GPC6: variants seen among roughly 807,000 people sequenced by gnomAD.
GPC6 encodes the protein glypican-6.
Under a neutral mutation model 55.2 loss-of-function variants are expected in GPC6, and 14 were observed. The ratio of observed to expected loss-of-function variants is 0.25; its 90% CI spans 0.17 to 0.40. GPC6 has a LOEUF of 0.40. Among genes scored for constraint, GPC6 ranks in the 10% least tolerant of loss-of-function variants. GPC6 has a pLI of 1.00. For synonymous variants in GPC6, 278 were observed against 259.6 expected (o/e 1.07, Z -0.68); for missense variants, 641 against 708.5 (o/e 0.90, Z 1.08).
intron 1 of GPC6, among the ~76,000 whole-genome samples, chr13:93,306,576 AAT>A: frequency 1.3e-5 from 2 of 152,230 alleles, no homozygotes; most frequent in Non-Finnish European, 2.9e-5. Flanking sequence ...CAGAGGAAAA[AAT>A]GTTGCTAAAT....
intron 1 of GPC6, among the ~76,000 whole-genome samples, chr13:93,383,388 A>C (rs1385898489): frequency 6.6e-6 from 1 of 152,098 alleles, no homozygotes; most frequent in Non-Finnish European, 1.5e-5. Flanking sequence ...ATTTTTTAAA[A>C]GAGTTTTTTG....
At chr13:94,152,074 G>T (rs761618650) in intron 4 of GPC6, among the ~76,000 whole-genome samples, 1 of 152,088 alleles carries the variant, frequency 6.6e-6, no homozygotes, top group African/African-American at 2.4e-5. Context: ...GTGACCCAAG[G>T]TTCTAAAGTC....
chr13:94,208,289 A>G (rs1452949161), intron 4 of GPC6, among the ~76,000 whole-genome samples: 2 of 152,164 alleles, frequency 1.3e-5, no homozygotes, highest in African/African-American at 4.8e-5. Context: ...CAGGTTCTTC[A>G]TGTCTGAAGT....
intron 6 of GPC6, among the ~76,000 whole-genome samples, chr13:94,331,228 T>C (rs190494964): frequency 6.6e-6 from 1 of 152,262 alleles, no homozygotes; most frequent in Non-Finnish European, 1.5e-5. Context: ...AAAGCTTTAT[T>C]GGAACACAGC....
At chr13:93,654,296 C>T (rs978014071) in intron 2 of GPC6, among the ~76,000 whole-genome samples, 5 of 152,018 alleles carry the variant, frequency 3.3e-5, no homozygotes, top group Non-Finnish European at 7.4e-5. Context: ...CTCTGTCGCC[C>T]AGGCTGGAGT....
intron 6 of GPC6, among the ~76,000 whole-genome samples, chr13:94,357,805 A>C (rs914743042): frequency 6.6e-6 from 1 of 151,914 alleles, no homozygotes; most frequent in African/African-American, 2.4e-5. Flanking sequence ...ATTCTTCTCA[A>C]CTCAGTTCTT....
chr13:93,922,511 G>A (rs1877627767), intron 3 of GPC6, among the ~76,000 whole-genome samples: 1 of 151,998 alleles, frequency 6.6e-6, no homozygotes, highest in African/African-American at 2.4e-5. Flanking sequence ...GATAATTGTG[G>A]GGGGATTCCC....
chr13:93,472,769 T>G (rs1444407622), intron 1 of GPC6, among the ~76,000 whole-genome samples: 2 of 152,200 alleles, frequency 1.3e-5, no homozygotes, highest in African/African-American at 4.8e-5. Flanking sequence ...CTTTTAGCTT[T>G]GCCATTCAGT....
chr13:93,782,918 G>T (rs1244652197), intron 2 of GPC6, among the ~76,000 whole-genome samples: 1 of 152,106 alleles, frequency 6.6e-6, no homozygotes, highest in Admixed American at 6.6e-5. Context: ...TGCCATGGTG[G>T]TTTGCTGCAC....
At chr13:94,334,587 A>C (rs1192573622) in intron 6 of GPC6, among the ~76,000 whole-genome samples, 1 of 152,214 alleles carries the variant, frequency 6.6e-6, no homozygotes, top group Non-Finnish European at 1.5e-5. Flanking sequence ...TTAGACATCG[A>C]GTTCTCAAGC....
chr13:94,048,222 T>A (rs899465298), intron 4 of GPC6, among the ~76,000 whole-genome samples: 1 of 151,964 alleles, frequency 6.6e-6, no homozygotes, highest in Non-Finnish European at 1.5e-5. Flanking sequence ...GAAGGACCCA[T>A]GACAAGGAAA....
At chr13:93,868,911 C>T (rs1889047629) in intron 3 of GPC6, among the ~76,000 whole-genome samples, 1 of 151,814 alleles carries the variant, frequency 6.6e-6, no homozygotes, top group Non-Finnish European at 1.5e-5. Context: ...CCCACAAATA[C>T]TGTTGGCTGC....
intron 4 of GPC6, among the ~76,000 whole-genome samples, chr13:94,198,844 G>C (rs566040182): frequency 6.6e-6 from 1 of 152,294 alleles, no homozygotes; most frequent in South Asian, 2.1e-4. Context: ...TGCCGGAGCT[G>C]GGATTCACAC....
chr13:93,339,741 A>T (rs946574670), intron 1 of GPC6, among the ~76,000 whole-genome samples: 2 of 152,238 alleles, frequency 1.3e-5, no homozygotes, highest in Non-Finnish European at 1.5e-5. Context: ...GCTTAAAATG[A>T]CTACCAGAAT....
rs149647393 is a variant in GPC6 at position 93,286,801 on chromosome 13, C to G, written c.160+59185C>G. ...GTGAAGTCATTCTGAATTTTTTGTC[C>G]CTCCTTTTCTCCCTTCCTTCTTTCC... On this transcript the variant is annotated intron_variant, in intron 1 of 8. Transcript: ENST00000377047. Among the ~76,000 whole-genome samples, 537 of 151,856 alleles carry G rather than the reference C, an allele frequency of 3.5e-3. 4 individuals carry two copies. The highest frequency in any genetic ancestry group is 0.013 in the African/African-American group (526 of 41,418).
rs979944332 is a variant in GPC6 at position 93,434,499 on chromosome 13, TATA to T, written c.161-110759_161-110757del. 3.0e-4 allele frequency among the ~76,000 whole-genome samples: 46 copies of T among 152,246 alleles called. 1 individual carries two copies. The highest frequency in any genetic ancestry group is 1.1e-3 in the African/African-American group (44 of 41,546). On this transcript the variant is annotated intron_variant, in intron 1 of 8. Transcript: ENST00000377047. ...CAGACAGAAAAGACAATCCTTTAGT[TATA>T]ATAAGGGTAAACAAATTAGCAAGAA...
At position 93,798,471 on chromosome 13, in the gene GPC6, T is replaced by A. The variant is rs76489374; in HGVS notation, c.320-31683T>A. On this transcript the variant is annotated intron_variant, in intron 2 of 8. Coordinates refer to ENST00000377047, the MANE Select transcript of GPC6 (RefSeq NM_005708.5). ...TGATATTTTGTCCAATTCAGTTAGA[T>A]TTTGCAGTGCCAAATAATTATAGGC... Among the ~76,000 whole-genome samples the A allele has an allele frequency of 3.4e-3, 522 of 152,290 alleles. 11 individuals carry two copies. The East Asian group carries it at 0.061, about 18-fold the overall frequency.
At chr13:93,589,201 A>G (rs192184724) in intron 2 of GPC6, among the ~76,000 whole-genome samples, 1 of 152,178 alleles carries the variant, frequency 6.6e-6, no homozygotes, top group African/African-American at 2.4e-5. Context: ...CTTTTTTCTG[A>G]AGCTTATTCT....
At chr13:94,025,183 A>G (rs1011993571) in intron 3 of GPC6, among the ~76,000 whole-genome samples, 1 of 152,200 alleles carries the variant, frequency 6.6e-6, no homozygotes, top group Non-Finnish European at 1.5e-5. Flanking sequence ...TCAAACGTAG[A>G]AATACCTTAG....
Sources: allele counts gnomAD v4.1 joint callset (sites outside exome capture counted in the v4.1 genomes callset), GRCh38; gene constraint gnomAD v4.1.1; transcripts MANE v1.5; gene names NCBI Gene and HGNC (gene_info 2026-07-23, HGNC 2026-07-21).